Variants in GALNTL6 observed in about 807,000 individuals in gnomAD.
The protein encoded by GALNTL6 is polypeptide N-acetylgalactosaminyltransferase-like 6.
GALNTL6 carries 46 observed loss-of-function variants against 73.7 expected under a neutral mutation model. The observed-to-expected ratio is 0.62, with a 90% CI of 0.49 to 0.80. The LOEUF is 0.80. Among genes scored for constraint, GALNTL6 ranks in the 30% least tolerant of loss-of-function variants. GALNTL6 has a pLI of 0.00. For synonymous variants in GALNTL6, 259 were observed against 263.7 expected, an observed-to-expected ratio of 0.98 and a Z score of 0.17; for missense variants, 604 against 755.0, an observed-to-expected ratio of 0.80 and a Z score of 2.34.
intron 5 of GALNTL6, among the ~76,000 whole-genome samples, chr4:172,412,963 A>G (rs1042333331): frequency 1.3e-5 from 2 of 152,202 alleles, no homozygotes; most frequent in African/African-American, 4.8e-5. Context: ...CCACATTCTC[A>G]GCAGGAAGAC....
At chr4:172,982,349 C>A (rs2126435616) in intron 10 of GALNTL6, among the ~76,000 whole-genome samples, 1 of 152,292 alleles carries the variant, frequency 6.6e-6, no homozygotes, top group South Asian at 2.1e-4. Flanking sequence ...AGGAGCTAAA[C>A]TAGAGGGAGG....
chr4:172,453,901 A>G (rs1201256142), intron 5 of GALNTL6, among the ~76,000 whole-genome samples: 1 of 152,224 alleles, frequency 6.6e-6, no homozygotes, highest in Non-Finnish European at 1.5e-5. Flanking sequence ...TCCATCCCTG[A>G]AAACATGCCC....
intron 5 of GALNTL6, among the ~76,000 whole-genome samples, chr4:172,385,469 A>G (rs1249235160): frequency 6.6e-6 from 1 of 152,036 alleles, no homozygotes; most frequent in African/African-American, 2.4e-5. Context: ...TGTGGTTCAC[A>G]TGTATTTATA....
In GALNTL6 at chr4:172,262,540, G is replaced by T. The variant is rs547161906; in HGVS notation, c.247+32776G>T. On this transcript the variant is annotated intron_variant, in intron 3 of 12. Transcript: ENST00000506823. Reference sequence around the variant, plus strand: ...TGATGTGTTAGGTAAGTTTCTTGAAGACAGCAGATAATTGTTTGGTGGATT... The same window carrying T: ...TGATGTGTTAGGTAAGTTTCTTGAATACAGCAGATAATTGTTTGGTGGATT... 1.3e-4 allele frequency among the ~76,000 whole-genome samples: 20 copies of T among 151,624 alleles called. 1 individual carries two copies. The highest frequency in any genetic ancestry group is 3.3e-4 in the Admixed American group (5 of 15,160).
In GALNTL6 at chr4:172,813,661, G is replaced by A. The variant is rs780985504; in HGVS notation, c.861G>A (p.Met287Ile). The change falls in exon 7 of 13, where the codon ATG (methionine) becomes ATA (isoleucine). Residue 287 changes from methionine to isoleucine, a missense_variant. Transcript: ENST00000506823. ...DAMRGAFDWE[M>I]YYKRIPIPPE... is the part of the protein sequence containing the mutation. ...TGCGAGGAGCCTTCGACTGGGAAAT[G>A]TACTACAAAAGAATCCCCATCCCTC... 1 of 1,613,376 alleles carries A rather than the reference G, an allele frequency of 6.2e-7. No individual in the cohort carries two copies. Among genetic ancestry groups the A allele is most frequent in the South Asian group, 1.1e-5 (1 of 90,982 alleles).
chr4:172,728,977 T>C (rs879832299), intron 5 of GALNTL6, among the ~76,000 whole-genome samples: 3 of 152,216 alleles, frequency 2.0e-5, no homozygotes, highest in Non-Finnish European at 4.4e-5. Flanking sequence ...TTGAAGATGA[T>C]GAGCATTTTT....
Position 172,280,063 on chromosome 4 carries a change from T to C in GALNTL6, c.248-31551T>C, listed in dbSNP as rs931117926. ...ACAAAAACAGAAAGCAGAATAGTAA[T>C]TGTCAGGTACTAGGGGAGAAAGAAA... On this transcript the variant is annotated intron_variant, in intron 3 of 12. Coordinates refer to ENST00000506823, the MANE Select transcript of GALNTL6 (RefSeq NM_001034845.3). 2.0e-5 allele frequency among the ~76,000 whole-genome samples: 3 copies of C among 152,280 alleles called. No individual in the cohort carries two copies. The East Asian group carries it at 5.8e-4, about 29-fold the overall frequency.
Position 172,170,345 on chromosome 4 carries a change from C to T in GALNTL6, c.139-59311C>T, listed in dbSNP as rs563321601. On this transcript the variant is annotated intron_variant, in intron 2 of 12. Transcript: ENST00000506823. Reference sequence around the variant, plus strand: ...TATAAGTTTTTAACAATGCCTCCTTCGGTCATTCTCTCTCCTGCCACCTTG... The same window carrying T: ...TATAAGTTTTTAACAATGCCTCCTTTGGTCATTCTCTCTCCTGCCACCTTG... 1.3e-4 allele frequency among the ~76,000 whole-genome samples: 20 copies of T among 152,192 alleles called. No individual in the cohort carries two copies. The East Asian group carries it at 3.1e-3, about 24-fold the overall frequency.
intron 2 of GALNTL6, among the ~76,000 whole-genome samples, chr4:172,087,693 ATTTTT>A (rs1002612064): frequency 6.6e-6 from 1 of 151,148 alleles, no homozygotes; most frequent in East Asian, 1.9e-4. Flanking sequence ...TGTATACTTG[ATTTTT>A]TTTACAAGGA....
intron 3 of GALNTL6, among the ~76,000 whole-genome samples, chr4:172,308,220 T>G (rs1398260067): frequency 1.3e-5 from 2 of 151,266 alleles, no homozygotes; most frequent in Admixed American, 6.6e-5. Context: ...AACTAAGAGT[T>G]TTTTGGATGA....
intron 5 of GALNTL6, among the ~76,000 whole-genome samples, chr4:172,452,515 C>G (rs1732251429): frequency 6.6e-6 from 1 of 152,114 alleles, no homozygotes; most frequent in African/African-American, 2.4e-5. Flanking sequence ...TTATTCAAAA[C>G]AGTTGTTCTG....
intron 2 of GALNTL6, among the ~76,000 whole-genome samples, chr4:172,150,606 T>G (rs568057958): frequency 1.6e-3 from 241 of 152,286 alleles, no homozygotes; most frequent in African/African-American, 5.6e-3. Context: ...TATTTGTGGA[T>G]GTAAAACAAC....
intron 4 of GALNTL6, among the ~76,000 whole-genome samples, chr4:172,345,327 T>G (rs1017865621): frequency 3.9e-5 from 6 of 152,136 alleles, no homozygotes; most frequent in African/African-American, 9.7e-5. Flanking sequence ...GATATCAATG[T>G]AAAAAGGCAA....
intron 2 of GALNTL6, among the ~76,000 whole-genome samples, chr4:172,229,443 C>A (rs184023178): frequency 2.0e-5 from 3 of 152,138 alleles, no homozygotes; most frequent in African/African-American, 7.2e-5. Context: ...ATAGTTGTTG[C>A]AGGAGAGGTG....
chr4:171,846,937 C>A (rs202225781), intron 2 of GALNTL6, among the ~76,000 whole-genome samples: 4 of 21,822 alleles, frequency 1.8e-4, no homozygotes, highest in East Asian at 1.4e-3. Flanking sequence ...ATTATATATA[C>A]ATATAATTAT....
intron 2 of GALNTL6, among the ~76,000 whole-genome samples, chr4:171,928,352 A>T (rs1738059034): frequency 6.6e-6 from 1 of 152,206 alleles, no homozygotes; most frequent in Non-Finnish European, 1.5e-5. Context: ...CTTAACAGTA[A>T]CGATGGAGTC....
chr4:172,138,368 C>T (rs1209884496), intron 2 of GALNTL6, among the ~76,000 whole-genome samples: 1 of 143,860 alleles, frequency 7.0e-6, no homozygotes, highest in African/African-American at 2.6e-5. Context: ...CTTTGCATTT[C>T]GTTTTATCGA....
At chr4:172,175,360 G>A (rs1209324444) in intron 2 of GALNTL6, among the ~76,000 whole-genome samples, 1 of 152,050 alleles carries the variant, frequency 6.6e-6, no homozygotes, top group Non-Finnish European at 1.5e-5. Context: ...GTCTCCCAAA[G>A]TGCTGTAATT....
chr4:171,953,276 A>G (rs1320410352), intron 2 of GALNTL6, among the ~76,000 whole-genome samples: 1 of 151,150 alleles, frequency 6.6e-6, no homozygotes, highest in Non-Finnish European at 1.5e-5. Context: ...AAGAAAAAAG[A>G]GTCAGGAAGA....
Sources: allele counts gnomAD v4.1 joint callset (sites outside exome capture counted in the v4.1 genomes callset), GRCh38; gene constraint gnomAD v4.1.1; transcripts MANE v1.5; gene names NCBI Gene and HGNC (gene_info 2026-07-23, HGNC 2026-07-21).